Variants in CD8B observed in about 807,000 individuals in gnomAD.
CD8B encodes the protein T-cell surface glycoprotein CD8 beta chain.
CD8B carries 6 observed loss-of-function variants against 24.2 expected under a neutral mutation model. The ratio of observed to expected loss-of-function variants is 0.25; its 90% CI spans 0.14 to 0.49. The LOEUF (loss-of-function observed/expected upper bound fraction) is 0.49, where lower values mean the gene tolerates loss of function less well. Ranked by LOEUF, CD8B falls within the 20% of genes least tolerant of loss-of-function variation. The pLI, the probability that CD8B is intolerant of heterozygous loss-of-function variation, is 0.98. For synonymous variants in CD8B, 84 were observed against 108.3 expected (o/e 0.78, Z 1.39); for missense variants, 196 against 271.3 (o/e 0.72, Z 1.95).
At chr2:86,854,422 T>A (rs982937993) in intron 2 of CD8B, among the ~76,000 whole-genome samples, 3 of 152,124 alleles carry the variant, frequency 2.0e-5, no homozygotes, top group African/African-American at 7.2e-5. Flanking sequence ...ATACCAGAGC[T>A]AAGGGAAGTT....
chr2:86,845,916 C>T lies in CD8B; in HGVS notation c.583+768G>A, dbSNP rs149469811. 8.0e-3 allele frequency among the ~76,000 whole-genome samples: 1,218 copies of T among 152,256 alleles called. 10 individuals carry two copies. Among genetic ancestry groups the T allele is most frequent in the Non-Finnish European group, 0.012 (842 of 68,030 alleles). On this transcript the variant is annotated intron_variant, in intron 4 of 5. Transcript: ENST00000390655. ...ATCGTATGTTCAAAGGGGTCTGTGA[C>T]CTACAAAAGTTAAGAGCCACTGATC... is the stretch of plus-strand genomic sequence containing the variant.
intron 5 of CD8B, among the ~76,000 whole-genome samples, chr2:86,831,804 T>C (rs1322370698): frequency 6.6e-6 from 1 of 152,186 alleles, no homozygotes; most frequent in Non-Finnish European, 1.5e-5. Context: ...GGAGTCAGCC[T>C]AATTTTCTGA....
chr2:86,858,162 T>C lies in CD8B; in HGVS notation c.298A>G (p.Ile100Val). 1 of 1,614,004 alleles carries C rather than the reference T, an allele frequency of 6.2e-7. No individual in the cohort carries two copies. The highest frequency in any genetic ancestry group is 2.2e-5 in the East Asian group (1 of 44,884). ...IAVFRDASRF[I>V]LNLTSVKPED... ...GGCTTCACGCTTGTGAGATTGAGAATGAACCGGCTTGCATCCCGAAACACA... is the reference window on the plus strand; with the variant it reads ...GGCTTCACGCTTGTGAGATTGAGAACGAACCGGCTTGCATCCCGAAACACA... The change falls in exon 2 of 6, where the codon ATT becomes GTT. Residue 100 changes from isoleucine (I) to valine (V), a missense_variant. Physicochemically the swap from Ile to Val is conservative, Grantham distance 29 (BLOSUM62 3). Coordinates refer to ENST00000390655, the MANE Select transcript of CD8B (RefSeq NM_004931.5).
chr2:86,852,026 T>G (rs1272723477), intron 3 of CD8B, among the ~76,000 whole-genome samples: 1 of 152,230 alleles, frequency 6.6e-6, no homozygotes, highest in Non-Finnish European at 1.5e-5. Flanking sequence ...TGGAGTGCAG[T>G]GGCAGGATCT....
At chr2:86,825,451 C>T (rs1674640936) in intron 5 of CD8B, among the ~76,000 whole-genome samples, 1 of 152,122 alleles carries the variant, frequency 6.6e-6, no homozygotes, top group Non-Finnish European at 1.5e-5. Flanking sequence ...TCAATCTGAC[C>T]CCATTTGAAT....
rs1293607947 is a variant in CD8B at position 86,839,721 on chromosome 2, A to C, written c.*2586T>G. Among the ~76,000 whole-genome samples, 1 of 152,248 alleles carries C rather than the reference A, an allele frequency of 6.6e-6. No homozygotes were observed. Among genetic ancestry groups the C allele is most frequent in the Non-Finnish European group, 1.5e-5 (1 of 68,036 alleles). On this transcript the variant is annotated 3_prime_UTR_variant, in exon 6 of 6. Transcript: ENST00000390655. ...CTTGTGAACAAGTACATGCAATTGC[A>C]AAGACAGCAGCAGGGAGACGGTCAA...
intron 5 of CD8B, among the ~76,000 whole-genome samples, chr2:86,823,763 G>C (rs772422551): frequency 6.6e-6 from 1 of 152,140 alleles, no homozygotes; most frequent in African/African-American, 2.4e-5. Context: ...TCAAGGGGAC[G>C]GTGTAGTGGA....
exon 6 of CD8B, chr2:86,815,665 T>C (rs748762924): frequency 6.2e-7 from 1 of 1,613,688 alleles, no homozygotes; most frequent in Non-Finnish European, 8.5e-7. Context: ...ATTGCTGTAG[T>C]ATCCATGCAG....
At chr2:86,858,466 G>C (rs1411545323) in intron 1 of CD8B, 50 bp from the exon 2 acceptor site, 18 of 1,531,714 alleles carry the variant, frequency 1.2e-5, no homozygotes, top group Non-Finnish European at 1.5e-5. Context: ...AGCCACAGCT[G>C]TGGGACCTTG....
intron 3 of CD8B, among the ~76,000 whole-genome samples, chr2:86,850,127 C>T (rs1675904091): frequency 6.6e-6 from 1 of 152,172 alleles, no homozygotes; most frequent in Non-Finnish European, 1.5e-5. Flanking sequence ...AATGTAGCTA[C>T]AGGTCTCCTC....
chr2:86,822,244 A>AG, intron 5 of CD8B: 1 of 803,156 alleles, frequency 1.2e-6, no homozygotes. Context: ...GGAAAAAAAA[A>AG]AAAGATGATA....
At chr2:86,825,200 T>A (rs1416948593) in intron 5 of CD8B, among the ~76,000 whole-genome samples, 1 of 151,564 alleles carries the variant, frequency 6.6e-6, no homozygotes, top group Non-Finnish European at 1.5e-5. Flanking sequence ...GTGTGGGGGG[T>A]GTGCTGCTGG....
intron 5 of CD8B, among the ~76,000 whole-genome samples, chr2:86,828,818 T>A (rs1250919246): frequency 6.6e-6 from 1 of 152,216 alleles, no homozygotes; most frequent in Non-Finnish European, 1.5e-5. Flanking sequence ...TCCTTTACTC[T>A]CTTAAAAATG....
At chr2:86,829,939 T>G (rs1035496835) in intron 5 of CD8B, among the ~76,000 whole-genome samples, 1 of 152,250 alleles carries the variant, frequency 6.6e-6, no homozygotes, top group Non-Finnish European at 1.5e-5. Context: ...CTTTTTAAAT[T>G]TAATAATGCA....
downstream of CD8B, among the ~76,000 whole-genome samples, chr2:86,837,910 C>T (rs1434959129): frequency 6.6e-6 from 1 of 152,152 alleles, no homozygotes; most frequent in Non-Finnish European, 1.5e-5. Context: ...CCCAGGCTCA[C>T]CTAAGGTTGC....
chr2:86,833,110 CA>C, intron 5 of CD8B: 9 of 308,028 alleles, frequency 2.9e-5, no homozygotes, highest in South Asian at 5.3e-5. Flanking sequence ...TCCTGTGTTA[CA>C]AAAAAGGATA....
At chr2:86,847,767 C>T (rs567198509) in intron 3 of CD8B, among the ~76,000 whole-genome samples, 2 of 152,118 alleles carry the variant, frequency 1.3e-5, no homozygotes, top group East Asian at 1.9e-4. Context: ...GGTTTCACCA[C>T]GTTGGCCAGG....
At chr2:86,855,068 C>T (rs1249039687) in intron 2 of CD8B, among the ~76,000 whole-genome samples, 1 of 151,782 alleles carries the variant, frequency 6.6e-6, no homozygotes, top group Non-Finnish European at 1.5e-5. Context: ...TTGCAGTCAG[C>T]CAAGATCCTG....
chr2:86,847,340 T>C (rs903305289), intron 3 of CD8B, among the ~76,000 whole-genome samples: 4 of 152,216 alleles, frequency 2.6e-5, no homozygotes, highest in African/African-American at 9.6e-5. Context: ...TTTTCATGCC[T>C]GGTAATGAGT....
Sources: allele counts gnomAD v4.1 joint callset (sites outside exome capture counted in the v4.1 genomes callset), GRCh38; gene constraint gnomAD v4.1.1; transcripts MANE v1.5; gene names NCBI Gene and HGNC (gene_info 2026-07-23, HGNC 2026-07-21).